The following DOCK4 variants were observed in gnomAD, a reference collection of about 807,000 sequenced individuals.
DOCK4 encodes dedicator of cytokinesis protein 4.
DOCK4 carries 97 observed loss-of-function variants against 268.1 expected under a neutral mutation model. The observed-to-expected ratio is 0.36, with a 90% CI of 0.31 to 0.43. The LOEUF (loss-of-function observed/expected upper bound fraction) is 0.43. Ranked by LOEUF, DOCK4 falls within the 20% of genes least tolerant of loss-of-function variation. DOCK4 has a pLI of 1.00. For synonymous variants in DOCK4, 954 were observed against 887.2 expected (o/e 1.08, Z -1.34); for missense variants, 2,145 against 2,455.7 (o/e 0.87, Z 2.67).
At chr7:111,857,166 G>A (rs1179726479) in intron 23 of DOCK4, among the ~76,000 whole-genome samples, 1 of 152,164 alleles carries the variant, frequency 6.6e-6, no homozygotes, top group Non-Finnish European at 1.5e-5. Context: ...TTTTATTCCT[G>A]AAGTTATCAA....
At chr7:112,179,112 G>A (rs991633112) in intron 1 of DOCK4, among the ~76,000 whole-genome samples, 2 of 152,176 alleles carry the variant, frequency 1.3e-5, no homozygotes, top group East Asian at 1.9e-4. Flanking sequence ...GAGGCTGAAC[G>A]CATTTGGCTC....
chr7:111,854,740 GTGT>G lies in DOCK4; in HGVS notation c.2474-7617_2474-7615del, dbSNP rs1283970368. On this transcript the variant is annotated intron_variant, in intron 23 of 52. Coordinates refer to ENST00000428084, the MANE Select transcript of DOCK4 (RefSeq NM_001363540.2). ...TAACCCATGATTCAGTCAGTACCTA[GTGT>G]TCATGAAACATCTATTAAGCACCTA... is the stretch of plus-strand genomic sequence containing the variant. 1.3e-5 allele frequency among the ~76,000 whole-genome samples: 2 copies of G among 152,184 alleles called. 1 individual carries two copies. The highest frequency in any genetic ancestry group is 3.9e-4 in the East Asian group (2 of 5,184).
At chr7:112,029,081 G>A (rs1803053320) in intron 1 of DOCK4, among the ~76,000 whole-genome samples, 1 of 152,136 alleles carries the variant, frequency 6.6e-6, no homozygotes, top group Non-Finnish European at 1.5e-5. Flanking sequence ...AGCTGCGCCT[G>A]AAAAATCCAT....
chr7:111,747,938 T>C (rs1585862888), intron 42 of DOCK4, among the ~76,000 whole-genome samples: 1 of 152,094 alleles, frequency 6.6e-6, no homozygotes, highest in Non-Finnish European at 1.5e-5. Flanking sequence ...CTCATATATA[T>C]ATATAACAGC....
At chr7:112,123,321 T>A (rs549599587) in intron 1 of DOCK4, among the ~76,000 whole-genome samples, 2 of 152,158 alleles carry the variant, frequency 1.3e-5, no homozygotes, top group East Asian at 3.8e-4. Flanking sequence ...GAAGGTCACA[T>A]AGACCTTGAG....
At chr7:111,853,584 T>A (rs1257803333) in intron 23 of DOCK4, among the ~76,000 whole-genome samples, 1 of 152,148 alleles carries the variant, frequency 6.6e-6, no homozygotes, top group African/African-American at 2.4e-5. Flanking sequence ...GGACTGCAGA[T>A]TCAGTGGGCT....
rs1437002816 is a variant in DOCK4 at position 111,726,456 on chromosome 7, T to A, written c.*1818A>T. On this transcript the variant is annotated 3_prime_UTR_variant, in exon 53 of 53. Transcript: ENST00000428084. ...AGCAACAGAAATATGGAGCTTCACA[T>A]ATATATGTATATATATATGAATGTG... 1 of 152,254 alleles carries A rather than the reference T, an allele frequency of 6.6e-6. No homozygotes were observed. The highest frequency in any genetic ancestry group is 1.5e-5 in the Non-Finnish European group (1 of 68,032). 9.4% of individuals were successfully genotyped at this position (152,254 alleles called of 1,614,324 possible).
At chr7:111,902,979 C>A (rs1791269934) in intron 13 of DOCK4, among the ~76,000 whole-genome samples, 1 of 152,096 alleles carries the variant, frequency 6.6e-6, no homozygotes, top group Non-Finnish European at 1.5e-5. Context: ...CCCTGTTAGC[C>A]AGGGTGGTCT....
Position 112,131,998 on chromosome 7 carries a change from CATT to C in DOCK4, c.37+74101_37+74103del, listed in dbSNP as rs555643962. 7.9e-5 allele frequency among the ~76,000 whole-genome samples: 12 copies of C among 152,310 alleles called. No homozygotes were observed. In the South Asian group the frequency reaches 2.5e-3, roughly 32 times the overall value. On this transcript the variant is annotated intron_variant, in intron 1 of 52. Transcript: ENST00000428084. Reference sequence around the variant, plus strand: ...AGGGATCCCTTCATACAAGCATCATCATTGTGAGCCTGAAAGGCTTTCAAAAAT... The same window carrying C: ...AGGGATCCCTTCATACAAGCATCATCGTGAGCCTGAAAGGCTTTCAAAAAT...
Position 111,802,051 on chromosome 7 carries a change from C to A in DOCK4, c.3166+6770G>T, listed in dbSNP as rs561270598. Among the ~76,000 whole-genome samples, 8 of 152,158 alleles carry A rather than the reference C, an allele frequency of 5.3e-5. No homozygotes were observed. The South Asian group carries it at 1.5e-3, about 28-fold the overall frequency. On this transcript the variant is annotated intron_variant, in intron 30 of 52. Coordinates refer to ENST00000428084, the MANE Select transcript of DOCK4 (RefSeq NM_001363540.2). ...AACTCACTGAAATATAAATTCATAG[C>A]TCTCCCTATATTTTCCTCATTCTAT...
chr7:112,035,421 TA>T (rs1445506971), intron 1 of DOCK4, among the ~76,000 whole-genome samples: 25 of 152,262 alleles, frequency 1.6e-4, no homozygotes, highest in Middle Eastern at 6.8e-3. Flanking sequence ...TCACATTCTA[TA>T]AAAACTTCAT....
chr7:111,915,763 G>T lies in DOCK4; in HGVS notation c.1192+16C>A, dbSNP rs202087543. 3 of 1,611,430 alleles carry T rather than the reference G, an allele frequency of 1.9e-6. No individual in the cohort carries two copies. Among genetic ancestry groups the T allele is most frequent in the Non-Finnish European group, 2.5e-6 (3 of 1,179,084 alleles). The stretch of plus-strand genomic sequence containing the variant: ...TACCCATATTTCATCATATCGGTAC[G>T]TCCCAAGTCACCTACCAGGCATAAT... On this transcript the variant is annotated intron_variant, in intron 13 of 52. Transcript: ENST00000428084.
intron 38 of DOCK4, among the ~76,000 whole-genome samples, chr7:111,766,076 A>G (rs1019896525): frequency 3.9e-5 from 6 of 152,236 alleles, no homozygotes; most frequent in Non-Finnish European, 5.9e-5. Flanking sequence ...CAAGAGATGA[A>G]CAGCAATGTT....
intron 10 of DOCK4, among the ~76,000 whole-genome samples, chr7:111,943,595 G>A (rs926532010): frequency 6.6e-6 from 1 of 152,176 alleles, no homozygotes; most frequent in African/African-American, 2.4e-5. Context: ...CCTGAGAACA[G>A]ACAGGCTTTA....
chr7:111,833,924 A>C (rs1247059801), intron 26 of DOCK4, among the ~76,000 whole-genome samples: 1 of 152,222 alleles, frequency 6.6e-6, no homozygotes, highest in Non-Finnish European at 1.5e-5. Context: ...AGAAAACTGA[A>C]GAGATGGAAG....
At chr7:111,743,929 C>T (rs1409456236) in intron 44 of DOCK4, among the ~76,000 whole-genome samples, 1 of 152,172 alleles carries the variant, frequency 6.6e-6, no homozygotes, top group Non-Finnish European at 1.5e-5. Context: ...AGGTGATCCT[C>T]CCACCTCAGC....
chr7:112,179,678 A>G (rs1168771669), intron 1 of DOCK4, among the ~76,000 whole-genome samples: 1 of 152,144 alleles, frequency 6.6e-6, no homozygotes, highest in African/African-American at 2.4e-5. Context: ...ACATAAGGTC[A>G]CCTCAAAACC....
At chr7:112,100,344 G>A (rs557082900) in intron 1 of DOCK4, among the ~76,000 whole-genome samples, 1 of 152,328 alleles carries the variant, frequency 6.6e-6, no homozygotes, top group South Asian at 2.1e-4. Flanking sequence ...ATACGCATTT[G>A]GATGCTGAGT....
intron 1 of DOCK4, among the ~76,000 whole-genome samples, chr7:112,149,292 CA>C (rs1464745266): frequency 6.6e-6 from 1 of 152,046 alleles, no homozygotes; most frequent in Non-Finnish European, 1.5e-5. Context: ...TATGCTCAAG[CA>C]AACAGCCCAT....
Sources: allele counts gnomAD v4.1 joint callset (sites outside exome capture counted in the v4.1 genomes callset), GRCh38; gene constraint gnomAD v4.1.1; transcripts MANE v1.5; gene names NCBI Gene and HGNC (gene_info 2026-07-23, HGNC 2026-07-21).